TMEM178B: variants seen among roughly 807,000 people sequenced by gnomAD.
TMEM178B encodes the protein transmembrane protein 178B.
In TMEM178B, 5 loss-of-function variants were observed where a neutral mutation model predicts 31.0. That is an observed-to-expected ratio of 0.16 (90% CI 0.08 to 0.34). The LOEUF (loss-of-function observed/expected upper bound fraction) is 0.34. TMEM178B is among the 10% of genes least tolerant of loss of function. The pLI is 1.00. For synonymous variants in TMEM178B, 164 were observed against 164.0 expected (o/e 1.00, Z 0.00); for missense variants, 275 against 400.3 (o/e 0.69, Z 2.67).
chr7:141,253,467 CT>C, intron 2 of TMEM178B, among the ~76,000 whole-genome samples: 1 of 151,362 alleles, frequency 6.6e-6, no homozygotes. Context: ...TCCAAAAATG[CT>C]GCATTAAGTT....
At chr7:141,362,121 A>G (rs372053660) in intron 2 of TMEM178B, among the ~76,000 whole-genome samples, 2 of 152,238 alleles carry the variant, frequency 1.3e-5, no homozygotes, top group Non-Finnish European at 2.9e-5. Context: ...TAATTAGCGC[A>G]TCGAGTCATG....
rs59281560 is a variant in TMEM178B, at chr7:141,245,170, C to CAA, written c.496+32505_496+32506dup. ...GGGTGACAGAGCAAGACTCCATCAC[C>CAA]AAAAAAAAAAAAAAAAAAAAAAAAA... On this transcript the variant is annotated intron_variant, in intron 2 of 3. Coordinates refer to ENST00000565468, the MANE Select transcript of TMEM178B (RefSeq NM_001195278.2). Among the ~76,000 whole-genome samples, 43 of 23,104 alleles carry CAA rather than the reference C, an allele frequency of 1.9e-3. 10 individuals are homozygous for CAA. The highest frequency in any genetic ancestry group is 2.9e-3 in the East Asian group (3 of 1,018). The allele number at this position is 23,104 out of a possible 152,430, so 15.2% of individuals were successfully genotyped here. A position where few individuals can be genotyped will look rare whatever the true frequency, so the allele number is the denominator to read the frequency against.
downstream of TMEM178B, among the ~76,000 whole-genome samples, chr7:141,485,078 A>C (rs946265379): frequency 6.6e-6 from 1 of 152,178 alleles, no homozygotes. Flanking sequence ...ATTCTATAGT[A>C]GCCTGAGAGC....
intron 2 of TMEM178B, among the ~76,000 whole-genome samples, chr7:141,285,177 T>TTTC (rs1233859035): frequency 7.1e-5 from 10 of 140,160 alleles, no homozygotes; most frequent in African/African-American, 2.2e-4. Flanking sequence ...TTTTTTTTTT[T>TTTC]TGAGACGTAG....
intron 2 of TMEM178B, among the ~76,000 whole-genome samples, chr7:141,427,787 G>C (rs1001959731): frequency 6.6e-6 from 1 of 152,104 alleles, no homozygotes; most frequent in African/African-American, 2.4e-5. Context: ...GGAGAAAATA[G>C]CTACAAACTA....
chr7:141,188,814 C>T (rs990321683), intron 1 of TMEM178B, among the ~76,000 whole-genome samples: 13 of 152,318 alleles, frequency 8.5e-5, no homozygotes, highest in South Asian at 2.1e-4. Flanking sequence ...GGATGCACTG[C>T]GGATTGAAGA....
At chr7:141,257,792 C>T (rs530442013) in intron 2 of TMEM178B, among the ~76,000 whole-genome samples, 1 of 152,000 alleles carries the variant, frequency 6.6e-6, no homozygotes, top group South Asian at 2.1e-4. Flanking sequence ...TGGACAGTCT[C>T]TGCCTTTTGA....
At chr7:141,155,767 A>G (rs575960364) in intron 1 of TMEM178B, among the ~76,000 whole-genome samples, 1 of 152,184 alleles carries the variant, frequency 6.6e-6, no homozygotes, top group Non-Finnish European at 1.5e-5. Context: ...GGCATCAGGC[A>G]TCTTAACAAA....
At chr7:141,129,404 A>G (rs866362181) in intron 1 of TMEM178B, among the ~76,000 whole-genome samples, 3 of 152,198 alleles carry the variant, frequency 2.0e-5, no homozygotes, top group Non-Finnish European at 4.4e-5. Context: ...GCTACATACA[A>G]TAAAGTGCTC....
At chr7:141,462,113 G>A (rs1045948589) in intron 3 of TMEM178B, among the ~76,000 whole-genome samples, 2 of 152,144 alleles carry the variant, frequency 1.3e-5, no homozygotes, top group African/African-American at 2.4e-5. Flanking sequence ...AGTAGAAAGC[G>A]GGACTGTGAG....
At chr7:141,488,580 C>G in the TMEM178B span, among the ~76,000 whole-genome samples, 1 of 152,156 alleles carries the variant, frequency 6.6e-6, no homozygotes, top group Non-Finnish European at 1.5e-5. Flanking sequence ...GCTGGGACTA[C>G]AGGTGCATGC....
chr7:141,158,877 G>A (rs1796120034), intron 1 of TMEM178B, among the ~76,000 whole-genome samples: 1 of 152,256 alleles, frequency 6.6e-6, no homozygotes, highest in South Asian at 2.1e-4. Context: ...TTCTGTTCTT[G>A]AGGAGGCAGA....
chr7:141,221,910 A>G (rs541132676), intron 2 of TMEM178B, among the ~76,000 whole-genome samples: 4 of 152,290 alleles, frequency 2.6e-5, no homozygotes, highest in South Asian at 2.1e-4. Context: ...TTGAAATGCA[A>G]ATTCTTAGAG....
intron 1 of TMEM178B, among the ~76,000 whole-genome samples, chr7:141,172,747 G>T (rs993757585): frequency 1.3e-5 from 2 of 152,178 alleles, no homozygotes; most frequent in Admixed American, 1.3e-4. Context: ...AGATGGTAAA[G>T]GTGTAGTACT....
At chr7:141,463,098 A>C (rs1436579242) in intron 3 of TMEM178B, among the ~76,000 whole-genome samples, 2 of 152,168 alleles carry the variant, frequency 1.3e-5, no homozygotes, top group Non-Finnish European at 2.9e-5. Context: ...GCCTGCAGCT[A>C]CTTGGGGTGG....
intron 1 of TMEM178B, among the ~76,000 whole-genome samples, chr7:141,083,350 A>G (rs1794718661): frequency 6.6e-6 from 1 of 152,158 alleles, no homozygotes; most frequent in Non-Finnish European, 1.5e-5. Context: ...ATAAACTCCA[A>G]GCCCTTTCAT....
At chr7:141,312,108 A>G (rs573884905) in intron 2 of TMEM178B, among the ~76,000 whole-genome samples, 1 of 152,252 alleles carries the variant, frequency 6.6e-6, no homozygotes, top group East Asian at 1.9e-4. Flanking sequence ...CACATTTCCC[A>G]TTACCTCCCA....
chr7:141,168,460 A>G (rs1796295678), intron 1 of TMEM178B, among the ~76,000 whole-genome samples: 1 of 151,924 alleles, frequency 6.6e-6, no homozygotes, highest in Non-Finnish European at 1.5e-5. Flanking sequence ...TAAATCCAGC[A>G]CTCTCTTCCC....
intron 2 of TMEM178B, among the ~76,000 whole-genome samples, chr7:141,245,095 G>A (rs950505100): frequency 6.8e-6 from 1 of 147,068 alleles, no homozygotes; most frequent in Non-Finnish European, 1.5e-5. Flanking sequence ...CCTGGGAGGC[G>A]GAGGTTGCAG....
Sources: gnomAD v4.1 joint callset for allele counts (sites outside exome capture counted in the v4.1 genomes callset) on GRCh38, gnomAD v4.1.1 for gene constraint, MANE v1.5 for transcripts, NCBI Gene and HGNC (gene_info 2026-07-23, HGNC 2026-07-21) for gene names.